Variants in CTIF observed in about 807,000 individuals in gnomAD.
The protein encoded by CTIF is CBP80/20-dependent translation initiation factor.
Under a neutral mutation model 66.0 loss-of-function variants are expected in CTIF, and 21 were observed. The observed-to-expected ratio is 0.32, with a 90% CI of 0.23 to 0.46. The LOEUF (loss-of-function observed/expected upper bound fraction) is 0.46, where lower values mean the gene tolerates loss of function less well. Among genes scored for constraint, CTIF ranks in the 20% least tolerant of loss-of-function variants. CTIF has a pLI of 1.00. For synonymous variants in CTIF, 345 were observed against 326.4 expected, an observed-to-expected ratio of 1.06 and a Z score of -0.62; for missense variants, 739 against 812.7, an observed-to-expected ratio of 0.91 and a Z score of 1.10.
intron 1 of CTIF, among the ~76,000 whole-genome samples, chr18:48,571,178 T>C (rs2089408180): frequency 6.6e-6 from 1 of 152,106 alleles, no homozygotes. Flanking sequence ...TTTTGTTTGT[T>C]TGTTTGTTTG....
chr18:48,657,563 G>C (rs1195345275), intron 3 of CTIF, among the ~76,000 whole-genome samples: 1 of 152,108 alleles, frequency 6.6e-6, no homozygotes, highest in Non-Finnish European at 1.5e-5. Flanking sequence ...GCACCCCGGG[G>C]AGCTCTGCAG....
rs1046222471 is a variant in CTIF at position 48,860,085 on chromosome 18, T to C, written c.*526T>C. On this transcript the variant is annotated 3_prime_UTR_variant, in exon 12 of 12. Transcript: ENST00000256413. Reference sequence around the variant, plus strand: ...TCCGGGAGGACAAAGGCAGGCACGGTCCCCACCAGCCGCCCGTAATTGACG... The same window carrying C: ...TCCGGGAGGACAAAGGCAGGCACGGCCCCCACCAGCCGCCCGTAATTGACG... The C allele has an allele frequency of 1.8e-5, 7 of 387,546 alleles. No individual in the cohort carries two copies. The highest frequency in any genetic ancestry group is 1.5e-4 in the African/African-American group (7 of 48,252). The allele number at this position is 387,546 out of a possible 1,614,324, so 24.0% of individuals were successfully genotyped here.
chr18:48,604,322 G>A (rs552871266), intron 1 of CTIF, among the ~76,000 whole-genome samples: 19 of 150,812 alleles, frequency 1.3e-4, no homozygotes, highest in South Asian at 2.1e-4. Flanking sequence ...GACTACAGGC[G>A]CCTGCCACCA....
chr18:48,827,095 C>T (rs933728015), intron 10 of CTIF, among the ~76,000 whole-genome samples: 7 of 152,008 alleles, frequency 4.6e-5, no homozygotes, highest in Admixed American at 1.3e-4. Flanking sequence ...GCCCGATGAG[C>T]GAGCCGTGGC....
intron 6 of CTIF, among the ~76,000 whole-genome samples, chr18:48,682,148 A>G (rs752154573): frequency 2.6e-5 from 4 of 152,152 alleles, no homozygotes; most frequent in Non-Finnish European, 5.9e-5. Context: ...CTCCCTGATA[A>G]GGGACTTTTC....
chr18:48,556,227 G>C (rs756856140), intron 1 of CTIF, among the ~76,000 whole-genome samples: 1 of 152,204 alleles, frequency 6.6e-6, no homozygotes, highest in Non-Finnish European at 1.5e-5. Flanking sequence ...CCATCTGGAA[G>C]GTCAGGATGC....
At chr18:48,804,773 G>A (rs1199908519) in intron 9 of CTIF, among the ~76,000 whole-genome samples, 1 of 152,146 alleles carries the variant, frequency 6.6e-6, no homozygotes, top group African/African-American at 2.4e-5. Flanking sequence ...GCAATAACCA[G>A]ATCACCCCTT....
intron 10 of CTIF, among the ~76,000 whole-genome samples, chr18:48,853,376 G>T (rs2069252314): frequency 1.3e-5 from 2 of 152,246 alleles, no homozygotes; most frequent in South Asian, 4.2e-4. Flanking sequence ...CTGTGGATCT[G>T]CGGTGGCCAA....
At chr18:48,829,277 C>A (rs1480655833) in intron 10 of CTIF, among the ~76,000 whole-genome samples, 3 of 152,170 alleles carry the variant, frequency 2.0e-5, no homozygotes, top group Non-Finnish European at 2.9e-5. Flanking sequence ...CACACCCTCA[C>A]CGTCCCTTAG....
chr18:48,587,237 A>G (rs2089791705), intron 1 of CTIF, among the ~76,000 whole-genome samples: 1 of 152,060 alleles, frequency 6.6e-6, no homozygotes, highest in Non-Finnish European at 1.5e-5. Context: ...GCGCACCACC[A>G]TGCCCGGCTA....
At chr18:48,541,015 G>GGT in intron 1 of CTIF, among the ~76,000 whole-genome samples, 1 of 152,292 alleles carries the variant, frequency 6.6e-6, no homozygotes, top group Middle Eastern at 3.4e-3. Flanking sequence ...CCGGCAGACT[G>GGT]GGGGTCCACC....
At chr18:48,679,393 A>G (rs1339939901) in intron 6 of CTIF, among the ~76,000 whole-genome samples, 1 of 152,244 alleles carries the variant, frequency 6.6e-6, no homozygotes, top group Admixed American at 6.5e-5. Flanking sequence ...TGGTAGTCAC[A>G]TCTGGAAGCA....
intron 9 of CTIF, among the ~76,000 whole-genome samples, chr18:48,780,560 G>A (rs993562842): frequency 2.0e-5 from 3 of 152,160 alleles, no homozygotes; most frequent in African/African-American, 2.4e-5. Context: ...CTGCCGCGTC[G>A]GTTCATGCGT....
chr18:48,662,844 G>A (rs981043264), intron 3 of CTIF, among the ~76,000 whole-genome samples: 147 of 152,148 alleles, frequency 9.7e-4, no homozygotes, highest in African/African-American at 3.4e-3. Context: ...CTTTGTTTGT[G>A]CTCACTGCGG....
chr18:48,662,171 C>T (rs35110404), intron 3 of CTIF: 10,925 of 152,392 alleles, frequency 0.072, 446 homozygotes, highest in South Asian at 0.098. Flanking sequence ...GGGGCACATT[C>T]GGAGAGGGCA....
chr18:48,570,251 C>T (rs186920665), intron 1 of CTIF, among the ~76,000 whole-genome samples: 9 of 152,312 alleles, frequency 5.9e-5, no homozygotes, highest in Non-Finnish European at 1.2e-4. Flanking sequence ...GGTCATGATT[C>T]TCAGCGGGTA....
At chr18:48,568,621 C>G in intron 1 of CTIF, among the ~76,000 whole-genome samples, 1 of 57,714 alleles carries the variant, frequency 1.7e-5, no homozygotes, top group Admixed American at 2.5e-4. Context: ...ATACCTGAGA[C>G]TGGGCAATTT....
At position 48,859,337 on chromosome 18, in the gene CTIF, T is replaced by A; in HGVS notation, c.1582-7T>A. On this transcript the variant is annotated splice_region_variant and splice_polypyrimidine_tract_variant and intron_variant, in intron 11 of 11. Coordinates refer to ENST00000256413, the MANE Select transcript of CTIF (RefSeq NM_014772.3). ...AGGCCATCCTAACCCCACATCTCTG[T>A]CTGCAGCTGCAGAGTACAGGCCGGC... is the stretch of plus-strand genomic sequence containing the variant. The A allele has an allele frequency of 6.2e-7, 1 of 1,613,714 alleles. No individual in the cohort carries two copies. The highest frequency in any genetic ancestry group is 8.5e-7 in the Non-Finnish European group (1 of 1,179,776).
chr18:48,862,144 A>G lies in CTIF; in HGVS notation c.*2585A>G, dbSNP rs1401183268. 6.6e-6 allele frequency: 1 copy of G among 152,186 alleles called. No individual in the cohort carries two copies. The highest frequency in any genetic ancestry group is 1.9e-4 in the East Asian group (1 of 5,196). 9.4% of individuals were successfully genotyped at this position (152,186 alleles called of 1,614,324 possible). A position where few individuals can be genotyped will look rare whatever the true frequency, so the allele number is the denominator to read the frequency against. On this transcript the variant is annotated 3_prime_UTR_variant, in exon 12 of 12. Transcript: ENST00000256413. ...ACTGCTCAGACAGGAACTGCAGGAC[A>G]GAAGTGGATGCCCCACAGACCCTGG... is the stretch of plus-strand genomic sequence containing the variant.
Sources: allele counts gnomAD v4.1 joint callset (sites outside exome capture counted in the v4.1 genomes callset), GRCh38; gene constraint gnomAD v4.1.1; transcripts MANE v1.5; gene names NCBI Gene and HGNC (gene_info 2026-07-23, HGNC 2026-07-21).